CATSPERT: variants seen among roughly 807,000 people sequenced by gnomAD.
The protein encoded by CATSPERT is cation channel sperm-associated targeting subunit tau.
At chr2:201,582,240 AAAG>A in the CATSPERT span, 1 of 1,571,716 alleles carries the variant, frequency 6.4e-7, no homozygotes, top group African/African-American at 1.4e-5. Context: ...ATATATAAGA[AAAG>A]AAGCATTAAA....
chr2:201,574,429 C>T, the CATSPERT span: 21 of 545,954 alleles, frequency 3.8e-5, no homozygotes, highest in Middle Eastern at 4.9e-4. Flanking sequence ...CAAGGAACTC[C>T]TACAGAAGAA....
chr2:201,619,153 C>T, the CATSPERT span: 2 of 1,611,888 alleles, frequency 1.2e-6, no homozygotes, highest in East Asian at 4.5e-5. Context: ...TGCGGCCTGT[C>T]TGCGCCCAAC....
At chr2:201,513,092 TAAAAA>T in the CATSPERT span, among the ~76,000 whole-genome samples, 1 of 138,928 alleles carries the variant, frequency 7.2e-6, no homozygotes, top group Non-Finnish European at 1.6e-5. Flanking sequence ...AATAATAAAA[TAAAAA>T]AAAAGAAAAA....
chr2:201,493,830 A>AT, the CATSPERT span: 4 of 1,535,308 alleles, frequency 2.6e-6, no homozygotes, highest in Admixed American at 2.0e-5. Context: ...TGGTACTACT[A>AT]TTTTTTTTAA....
chr2:201,543,835 G>A, the CATSPERT span, among the ~76,000 whole-genome samples: 63,945 of 151,902 alleles, frequency 0.42, 14,070 homozygotes, highest in East Asian at 0.75. Context: ...ATTTTAAAGT[G>A]TAGTACTATA....
chr2:201,515,225 T>TAG, the CATSPERT span, among the ~76,000 whole-genome samples: 15 of 67,440 alleles, frequency 2.2e-4, 3 homozygotes, highest in East Asian at 1.8e-3. Context: ...TTTTTTTTTT[T>TAG]TTTTTTTTTT....
At chr2:201,589,648 A>AT in the CATSPERT span, among the ~76,000 whole-genome samples, 2 of 152,192 alleles carry the variant, frequency 1.3e-5, no homozygotes, top group African/African-American at 4.8e-5. Context: ...AAACTATAAT[A>AT]TAAAAACCCA....
chr2:201,492,880 TTAC>T, the CATSPERT span: 3 of 1,536,642 alleles, frequency 2.0e-6, no homozygotes, highest in Non-Finnish European at 2.6e-6. Flanking sequence ...CTGGATTTGT[TTAC>T]TTAATTCAGA....
the CATSPERT span, among the ~76,000 whole-genome samples, chr2:201,532,197 C>T: frequency 6.6e-6 from 1 of 152,176 alleles, no homozygotes; most frequent in Admixed American, 6.5e-5. Flanking sequence ...TTAGAGGTGC[C>T]ATTTATAAGA....
the CATSPERT span, among the ~76,000 whole-genome samples, chr2:201,504,448 G>A: frequency 5.3e-4 from 81 of 152,226 alleles, no homozygotes; most frequent in African/African-American, 1.9e-3. Flanking sequence ...TCAAGATGGC[G>A]GCCAGAGATT....
the CATSPERT span, among the ~76,000 whole-genome samples, chr2:201,577,103 T>C: frequency 1.3e-5 from 2 of 152,206 alleles, no homozygotes; most frequent in South Asian, 4.1e-4. Context: ...AGACTTTGTT[T>C]CATGCACAAA....
chr2:201,504,012 G>C, the CATSPERT span, among the ~76,000 whole-genome samples: 1 of 152,186 alleles, frequency 6.6e-6, no homozygotes, highest in Non-Finnish European at 1.5e-5. Flanking sequence ...AGTCCTGTGT[G>C]AGTACCTATA....
At chr2:201,605,055 T>C in the CATSPERT span, among the ~76,000 whole-genome samples, 1 of 118,930 alleles carries the variant, frequency 8.4e-6, no homozygotes, top group African/African-American at 3.1e-5. Context: ...AATATATATA[T>C]ACATACACAC....
At chr2:201,559,223 C>T in the CATSPERT span, among the ~76,000 whole-genome samples, 1 of 152,156 alleles carries the variant, frequency 6.6e-6, no homozygotes, top group African/African-American at 2.4e-5. Context: ...CCCTGACAGG[C>T]ATGTCCCCAG....
chr2:201,582,160 C>A, the CATSPERT span: 1 of 1,610,140 alleles, frequency 6.2e-7, no homozygotes, highest in South Asian at 1.1e-5. Context: ...TCTCTATTGT[C>A]ATATTGTATG....
At chr2:201,561,100 C>T in the CATSPERT span, among the ~76,000 whole-genome samples, 1 of 152,274 alleles carries the variant, frequency 6.6e-6, no homozygotes, top group Non-Finnish European at 1.5e-5. Flanking sequence ...AATTCAATTA[C>T]ACTCTTCCCA....
chr2:201,490,125 G>C, the CATSPERT span, among the ~76,000 whole-genome samples: 1 of 152,110 alleles, frequency 6.6e-6, no homozygotes, highest in Admixed American at 6.6e-5. Context: ...CCAAAGTGCT[G>C]GGATTATAGG....
chr2:201,488,002 G>C, the CATSPERT span: 1 of 978,030 alleles, frequency 1.0e-6, no homozygotes, highest in South Asian at 1.8e-5. Context: ...AAAGAAAAAA[G>C]AAAAACAAAC....
At chr2:201,487,719 A>T in the CATSPERT span, 4 of 1,614,102 alleles carry the variant, frequency 2.5e-6, no homozygotes, top group South Asian at 3.3e-5. Flanking sequence ...CGACTTGTAA[A>T]CTTTCCACTG....
Sources: allele counts gnomAD v4.1 joint callset (sites outside exome capture counted in the v4.1 genomes callset), GRCh38; gene constraint gnomAD v4.1.1; transcripts MANE v1.5; gene names NCBI Gene and HGNC (gene_info 2026-07-23, HGNC 2026-07-21).